CALN1: variants seen among roughly 807,000 people sequenced by gnomAD.
The protein encoded by CALN1 is calcium-binding protein 8.
CALN1 carries 17 observed loss-of-function variants against 30.6 expected under a neutral mutation model. The ratio of observed to expected loss-of-function variants is 0.56; its 90% confidence interval spans 0.38 to 0.83. CALN1 has a LOEUF of 0.83. CALN1 is among the 40% of genes least tolerant of loss of function. The pLI, the probability that CALN1 is intolerant of heterozygous loss-of-function variation, is 0.00. For missense variants in CALN1, 291 were observed against 354.9 expected (o/e 0.82, Z 1.45); for synonymous variants, 156 against 131.4 (o/e 1.19, Z -1.28).
At chr7:72,311,497 T>TAA (rs1342976978) in intron 2 of CALN1, among the ~76,000 whole-genome samples, 2 of 151,880 alleles carry the variant, frequency 1.3e-5, no homozygotes, top group African/African-American at 4.8e-5. Flanking sequence ...TGTGTGTGTG[T>TAA]AAGACAAGGT....
At chr7:72,083,454 T>G (rs1428110346) in intron 4 of CALN1, among the ~76,000 whole-genome samples, 1 of 152,108 alleles carries the variant, frequency 6.6e-6, no homozygotes, top group Non-Finnish European at 1.5e-5. Context: ...TGAGGTGGCA[T>G]GTGCCTGTAA....
chr7:72,080,028 C>T (rs1805024569), intron 4 of CALN1, among the ~76,000 whole-genome samples: 1 of 152,050 alleles, frequency 6.6e-6, no homozygotes, highest in Admixed American at 6.6e-5. Flanking sequence ...GCCTCGGCCT[C>T]CCGAAGTGCT....
chr7:72,128,357 G>A (rs975899092), intron 3 of CALN1, among the ~76,000 whole-genome samples: 3 of 152,082 alleles, frequency 2.0e-5, no homozygotes, highest in South Asian at 2.1e-4. Context: ...AAAAAATAAC[G>A]TGGGGACAAC....
intron 5 of CALN1, among the ~76,000 whole-genome samples, chr7:71,816,044 T>C (rs1788248111): frequency 6.6e-6 from 1 of 151,612 alleles, no homozygotes; most frequent in Non-Finnish European, 1.5e-5. Flanking sequence ...TTTAATTTTT[T>C]TTTTCTTTAC....
At chr7:71,886,024 C>T (rs538453044) in intron 5 of CALN1, among the ~76,000 whole-genome samples, 1 of 152,318 alleles carries the variant, frequency 6.6e-6, no homozygotes, top group Admixed American at 6.5e-5. Flanking sequence ...ATGTGAATGG[C>T]AGAAGAAAGT....
chr7:71,885,452 G>A (rs1436601711), intron 5 of CALN1, among the ~76,000 whole-genome samples: 5 of 152,126 alleles, frequency 3.3e-5, no homozygotes, highest in African/African-American at 7.2e-5. Flanking sequence ...GCCCCCAGCC[G>A]CCAATGTTAT....
chr7:71,884,285 T>C (rs1345766125), intron 5 of CALN1, among the ~76,000 whole-genome samples: 1 of 152,160 alleles, frequency 6.6e-6, no homozygotes. Context: ...CCCGCCCACC[T>C]TGAAACATAC....
At chr7:72,419,785 C>T (rs1318655018) in intron 1 of CALN1, among the ~76,000 whole-genome samples, 1 of 152,112 alleles carries the variant, frequency 6.6e-6, no homozygotes, top group Non-Finnish European at 1.5e-5. Context: ...AAAAACTGAG[C>T]GTTGGAGACT....
At chr7:72,196,711 C>T (rs747987833) in intron 3 of CALN1, among the ~76,000 whole-genome samples, 3 of 152,210 alleles carry the variant, frequency 2.0e-5, no homozygotes, top group Admixed American at 6.5e-5. Flanking sequence ...AATGCAAATA[C>T]GTGTTCACAT....
the CALN1 span, among the ~76,000 whole-genome samples, chr7:72,487,685 G>GGAAAGAAAGAAA: frequency 1.0e-5 from 1 of 99,008 alleles, no homozygotes; most frequent in African/African-American, 4.9e-5. Context: ...AAGAAAGAAA[G>GGAAAGAAAGAAA]GAAAGAAAGA....
At chr7:71,910,251 C>T (rs1270526312) in intron 5 of CALN1, among the ~76,000 whole-genome samples, 4 of 152,096 alleles carry the variant, frequency 2.6e-5, no homozygotes, top group African/African-American at 9.7e-5. Context: ...TGAGAGTTTG[C>T]CATGGTGGGG....
At chr7:72,249,207 C>CTGA (rs1795383733) in intron 3 of CALN1, among the ~76,000 whole-genome samples, 1 of 152,156 alleles carries the variant, frequency 6.6e-6, no homozygotes, top group Non-Finnish European at 1.5e-5. Context: ...CTCAGTATCA[C>CTGA]TGATGAAAAA....
chr7:72,175,707 GAACA>G (rs1004698750), intron 3 of CALN1, among the ~76,000 whole-genome samples: 11 of 152,292 alleles, frequency 7.2e-5, no homozygotes, highest in African/African-American at 2.6e-4. Flanking sequence ...AACTTTGTGA[GAACA>G]AACGCCGCCA....
At chr7:71,940,943 T>C (rs935438224) in intron 5 of CALN1, among the ~76,000 whole-genome samples, 17 of 152,280 alleles carry the variant, frequency 1.1e-4, no homozygotes, top group African/African-American at 4.1e-4. Context: ...CTTAGTTTTA[T>C]ACAAATTACT....
intron 2 of CALN1, among the ~76,000 whole-genome samples, chr7:72,348,085 C>G (rs1342838814): frequency 6.6e-6 from 1 of 152,154 alleles, no homozygotes; most frequent in East Asian, 1.9e-4. Context: ...GAGCTGAGAT[C>G]ACTCCAGCCT....
intron 6 of CALN1, among the ~76,000 whole-genome samples, chr7:71,789,480 G>A (rs749497322): frequency 1.3e-5 from 2 of 152,104 alleles, no homozygotes; most frequent in African/African-American, 2.4e-5. Context: ...GGCTCTGGGA[G>A]TGGGGGTCCC....
intron 5 of CALN1, among the ~76,000 whole-genome samples, chr7:71,875,663 T>C (rs1459225947): frequency 2.0e-5 from 3 of 152,154 alleles, no homozygotes; most frequent in Non-Finnish European, 4.4e-5. Flanking sequence ...AGGAGCTATG[T>C]ATCTGGAGAA....
chr7:72,424,668 C>T (rs971748470), intron 1 of CALN1, among the ~76,000 whole-genome samples: 2 of 152,068 alleles, frequency 1.3e-5, no homozygotes, highest in Non-Finnish European at 2.9e-5. Flanking sequence ...GTGATCATAG[C>T]TCACTGCAGC....
chr7:72,163,992 A>G (rs1788329464), intron 3 of CALN1, among the ~76,000 whole-genome samples: 6 of 152,190 alleles, frequency 3.9e-5, no homozygotes, highest in Admixed American at 3.9e-4. Flanking sequence ...AGATCAAGAA[A>G]GAAGAAACCT....
Sources: gnomAD v4.1 joint callset for allele counts (sites outside exome capture counted in the v4.1 genomes callset) on GRCh38, gnomAD v4.1.1 for gene constraint, MANE v1.5 for transcripts, NCBI Gene and HGNC (gene_info 2026-07-23, HGNC 2026-07-21) for gene names.